The following TENM3 variants were observed in gnomAD, a reference collection of about 807,000 sequenced individuals.
TENM3 encodes teneurin-3.
A neutral mutation model predicts 255.1 loss-of-function variants in TENM3; 63 were observed. That is an observed-to-expected ratio of 0.25 (90% CI 0.20 to 0.30). The LOEUF (loss-of-function observed/expected upper bound fraction) is 0.30. Among genes scored for constraint, TENM3 ranks in the 10% least tolerant of loss-of-function variants. TENM3 has a pLI of 1.00. For synonymous variants in TENM3, 1,306 were observed against 1,322.3 expected, an observed-to-expected ratio of 0.99 and a Z score of 0.27; for missense variants, 2,929 against 3,461.1, an observed-to-expected ratio of 0.85 and a Z score of 3.86.
the TENM3 span, among the ~76,000 whole-genome samples, chr4:181,735,891 T>A: frequency 6.6e-6 from 1 of 152,200 alleles, no homozygotes; most frequent in African/African-American, 2.4e-5. Context: ...AAGTTGGTAT[T>A]TTTGTCATTT....
the TENM3 span, among the ~76,000 whole-genome samples, chr4:181,551,186 A>AC: frequency 6.6e-6 from 1 of 152,136 alleles, no homozygotes; most frequent in Non-Finnish European, 1.5e-5. Context: ...ATGTGGAGTT[A>AC]CCCCAACTCA....
chr4:181,668,984 T>A, the TENM3 span, among the ~76,000 whole-genome samples: 1 of 152,190 alleles, frequency 6.6e-6, no homozygotes, highest in African/African-American at 2.4e-5. Context: ...AGATAGAGAA[T>A]ATTCTCTGTT....
chr4:181,797,169 T>TTTTCCTTG, the TENM3 span, among the ~76,000 whole-genome samples: 1 of 152,028 alleles, frequency 6.6e-6, no homozygotes, highest in Non-Finnish European at 1.5e-5. Context: ...TTTTTTCCTT[T>TTTTCCTTG]TTTTTTTAAC....
At chr4:181,492,835 T>C in the TENM3 span, among the ~76,000 whole-genome samples, 1 of 152,200 alleles carries the variant, frequency 6.6e-6, no homozygotes, top group East Asian at 1.9e-4. Flanking sequence ...CATTTTCATG[T>C]ATATCTATTT....
At chr4:181,912,326 T>G in the TENM3 span, among the ~76,000 whole-genome samples, 3 of 152,240 alleles carry the variant, frequency 2.0e-5, no homozygotes, top group African/African-American at 7.2e-5. Context: ...GCTTAAAATC[T>G]AGAGAATATG....
At chr4:182,699,948 T>C (rs1417071456) in intron 12 of TENM3, among the ~76,000 whole-genome samples, 2 of 152,092 alleles carry the variant, frequency 1.3e-5, no homozygotes, top group East Asian at 3.8e-4. Flanking sequence ...ATGCTCCTTC[T>C]GCTTGCCAAG....
At chr4:182,484,121 A>G (rs140748692) in intron 3 of TENM3, among the ~76,000 whole-genome samples, 41 of 152,298 alleles carry the variant, frequency 2.7e-4, no homozygotes, top group African/African-American at 9.6e-4. Context: ...ACAGTAGCAA[A>G]TAAGTGATGA....
chr4:182,363,264 A>T (rs1766158853), intron 3 of TENM3, among the ~76,000 whole-genome samples: 1 of 151,894 alleles, frequency 6.6e-6, no homozygotes, highest in African/African-American at 2.4e-5. Context: ...TTGATCCTTG[A>T]TGTGAGTATG....
the TENM3 span, among the ~76,000 whole-genome samples, chr4:182,127,666 G>C: frequency 6.6e-6 from 1 of 152,136 alleles, no homozygotes; most frequent in East Asian, 1.9e-4. Flanking sequence ...GAAACTATTT[G>C]CTACATTTTT....
intron 1 of TENM3, among the ~76,000 whole-genome samples, chr4:182,230,484 G>T (rs913175102): frequency 1.3e-5 from 2 of 152,028 alleles, no homozygotes; most frequent in African/African-American, 4.8e-5. Context: ...GTTGGAATAC[G>T]TACTGTGTTG....
the TENM3 span, among the ~76,000 whole-genome samples, chr4:182,062,242 A>T: frequency 6.6e-6 from 1 of 152,208 alleles, no homozygotes; most frequent in South Asian, 2.1e-4. Flanking sequence ...TTGTCAACAA[A>T]GTGAAAAGCT....
At chr4:182,026,906 T>A in the TENM3 span, among the ~76,000 whole-genome samples, 1 of 152,128 alleles carries the variant, frequency 6.6e-6, no homozygotes, top group East Asian at 1.9e-4. Context: ...ATTCCTTCAG[T>A]TTTATTCTCT....
At chr4:181,820,841 T>C in the TENM3 span, among the ~76,000 whole-genome samples, 1 of 152,186 alleles carries the variant, frequency 6.6e-6, no homozygotes. Context: ...TTTTCCCTTA[T>C]GTATTTTATA....
At chr4:181,745,256 C>T in the TENM3 span, among the ~76,000 whole-genome samples, 1 of 151,894 alleles carries the variant, frequency 6.6e-6, no homozygotes, top group East Asian at 1.9e-4. Flanking sequence ...CTTAAATTAG[C>T]AATGTTAGGT....
the TENM3 span, among the ~76,000 whole-genome samples, chr4:181,673,650 A>G: frequency 1.4e-4 from 22 of 152,214 alleles, no homozygotes; most frequent in Non-Finnish European, 2.8e-4. Context: ...GCAGCTTACC[A>G]CTAAGAACAA....
chr4:182,078,379 G>A, the TENM3 span, among the ~76,000 whole-genome samples: 60 of 151,934 alleles, frequency 3.9e-4, no homozygotes, highest in Non-Finnish European at 7.4e-4. Context: ...AAAATTAGCC[G>A]GGCGTGGTGG....
intron 22 of TENM3, among the ~76,000 whole-genome samples, chr4:182,771,906 T>C (rs1309224642): frequency 6.6e-6 from 1 of 152,120 alleles, no homozygotes; most frequent in Non-Finnish European, 1.5e-5. Flanking sequence ...TGTGTCTCCA[T>C]CCCTGGCTTC....
At chr4:181,797,164 T>C in the TENM3 span, among the ~76,000 whole-genome samples, 1 of 151,566 alleles carries the variant, frequency 6.6e-6, no homozygotes, top group South Asian at 2.1e-4. Flanking sequence ...TAATCTTTTT[T>C]CCTTTTTTTT....
rs552195570 is a variant in TENM3 at position 182,612,484 on chromosome 4, C to T, written c.749+11323C>T. On this transcript the variant is annotated intron_variant, in intron 4 of 27. Coordinates refer to ENST00000511685, the MANE Select transcript of TENM3 (RefSeq NM_001080477.4). Reference sequence around the variant, plus strand: ...AGTATAGGTTCCACGATCACCCATGCGTAAAATATTATAAAAGCTTAATAT... The same window carrying T: ...AGTATAGGTTCCACGATCACCCATGTGTAAAATATTATAAAAGCTTAATAT... Among the ~76,000 whole-genome samples the T allele has an allele frequency of 2.6e-5, 4 of 152,028 alleles. No homozygotes were observed. The South Asian group carries it at 8.3e-4, about 32-fold the overall frequency.
Sources: gnomAD v4.1 joint callset for allele counts (sites outside exome capture counted in the v4.1 genomes callset) on GRCh38, gnomAD v4.1.1 for gene constraint, MANE v1.5 for transcripts, NCBI Gene and HGNC (gene_info 2026-07-23, HGNC 2026-07-21) for gene names.